The following NRXN1 variants were observed in gnomAD, a reference collection of about 807,000 sequenced individuals.
NRXN1 encodes the protein neurexin 1.
In NRXN1, 39 loss-of-function variants were observed where a neutral mutation model predicts 150.9. The observed-to-expected ratio is 0.26, with a 90% CI of 0.20 to 0.34. The LOEUF is 0.34. Among genes scored for constraint, NRXN1 ranks in the 10% least tolerant of loss-of-function variants. The pLI, the probability that NRXN1 is intolerant of heterozygous loss-of-function variation, is 1.00. For synonymous variants in NRXN1, 924 were observed against 757.0 expected, an observed-to-expected ratio of 1.22 and a Z score of -3.62; for missense variants, 1,815 against 1,949.9, an observed-to-expected ratio of 0.93 and a Z score of 1.30.
chr2:50,086,845 A>AGAGAGAGAGAGAGAGAGAGAGAGAGAAG (rs4032305), intron 19 of NRXN1, among the ~76,000 whole-genome samples: 2 of 150,934 alleles, frequency 1.3e-5, no homozygotes, highest in African/African-American at 4.9e-5. Flanking sequence ...AGAGAGAGAG[A>AGAGAGAGAGAGAGAGAGAGAGAGAGAAG]GAGAGCGAGC....
chr2:50,189,273 A>G (rs1191113203), intron 18 of NRXN1, among the ~76,000 whole-genome samples: 2 of 152,008 alleles, frequency 1.3e-5, no homozygotes, highest in Admixed American at 6.6e-5. Flanking sequence ...GGGACAGAAA[A>G]CCAAACACTC....
At position 50,472,338 on chromosome 2, in the gene NRXN1, A is replaced by G. The variant is rs377363689; in HGVS notation, c.3204T>C (p.Asp1068=). The G allele has an allele frequency of 6.2e-6, 10 of 1,611,312 alleles. No homozygotes were observed. Among genetic ancestry groups the G allele is most frequent in the Middle Eastern group, 1.6e-4 (1 of 6,068 alleles). ...CGATCTGTCCGTTGCAGAAAAGAGC[A>G]TCGGAGATGAGGTCCGGAAGCCGTC... ...LNGRLPDLIS[D]ALFCNGQIER... Residue 1068 remains aspartate, a synonymous_variant, in exon 16 of 23, where the codon GAT becomes GAC. Coordinates refer to ENST00000401669, the MANE Select transcript of NRXN1 (RefSeq NM_001330078.2).
At chr2:50,624,283 C>A (rs961195543) in intron 5 of NRXN1, among the ~76,000 whole-genome samples, 2 of 151,982 alleles carry the variant, frequency 1.3e-5, no homozygotes, top group African/African-American at 4.8e-5. Flanking sequence ...CTTGAAAATT[C>A]AATTAATTTT....
chr2:50,740,699 ATTAAAGTTGGT>A (rs1355497464), intron 5 of NRXN1, among the ~76,000 whole-genome samples: 2 of 152,172 alleles, frequency 1.3e-5, no homozygotes, highest in Non-Finnish European at 2.9e-5. Context: ...TACTGGCAGA[ATTAAAGTTGGT>A]TATAATCTCC....
At position 50,113,899 on chromosome 2, in the gene NRXN1, G is replaced by A. The variant is rs550272337; in HGVS notation, c.3547-22405C>T. ...ATTCAATGGTCAGTTAATTTTTATT[G>A]AGTATCTCTATGTACACAGGAGACT... On this transcript the variant is annotated intron_variant, in intron 18 of 22. Transcript: ENST00000401669. 2.6e-5 allele frequency among the ~76,000 whole-genome samples: 4 copies of A among 152,104 alleles called. 1 individual carries two copies. Among genetic ancestry groups the A allele is most frequent in the African/African-American group, 7.2e-5 (3 of 41,490 alleles).
intron 21 of NRXN1, among the ~76,000 whole-genome samples, chr2:49,950,426 T>C (rs1052590668): frequency 2.0e-5 from 3 of 151,888 alleles, no homozygotes; most frequent in African/African-American, 7.2e-5. Flanking sequence ...CTCCAGCACA[T>C]GAATAAGAAA....
intron 15 of NRXN1, among the ~76,000 whole-genome samples, chr2:50,489,154 A>T (rs555954522): frequency 2.6e-5 from 4 of 152,310 alleles, no homozygotes; most frequent in African/African-American, 9.6e-5. Context: ...AAGCTGAAGA[A>T]AGCTATTTCT....
intron 17 of NRXN1, among the ~76,000 whole-genome samples, chr2:50,311,023 T>A (rs888084136): frequency 6.6e-6 from 1 of 152,184 alleles, no homozygotes; most frequent in Non-Finnish European, 1.5e-5. Context: ...AAAGGCCGCA[T>A]GACTATTAAA....
intron 19 of NRXN1, among the ~76,000 whole-genome samples, chr2:50,064,245 T>A (rs1296963288): frequency 6.6e-6 from 1 of 151,790 alleles, no homozygotes; most frequent in Non-Finnish European, 1.5e-5. Context: ...ATTCATTATA[T>A]ATATAAAATG....
At chr2:50,868,331 G>A (rs143016904) in intron 5 of NRXN1, among the ~76,000 whole-genome samples, 2 of 135,886 alleles carry the variant, frequency 1.5e-5, no homozygotes, top group Admixed American at 8.6e-5. Context: ...ACCTATAAGC[G>A]AAAGGTAAAT....
chr2:50,997,198 T>C (rs1453110906), intron 2 of NRXN1, among the ~76,000 whole-genome samples: 1 of 151,826 alleles, frequency 6.6e-6, no homozygotes, highest in Non-Finnish European at 1.5e-5. Context: ...GTCTTGGCCT[T>C]CAGAAGTATT....
chr2:50,922,500 G>A (rs377405284), intron 4 of NRXN1, 158 bp downstream of exon 4: 21 of 778,312 alleles, frequency 2.7e-5, no homozygotes, highest in African/African-American at 1.0e-4. Context: ...CAAAGAAATG[G>A]AAGAAAAACA....
intron 18 of NRXN1, among the ~76,000 whole-genome samples, chr2:50,234,593 G>C (rs962834015): frequency 6.6e-6 from 1 of 152,078 alleles, no homozygotes; most frequent in Non-Finnish European, 1.5e-5. Flanking sequence ...TCTAGGCAAT[G>C]GGAGAAAGAA....
intron 5 of NRXN1, among the ~76,000 whole-genome samples, chr2:50,706,195 C>G (rs1694411582): frequency 6.6e-6 from 1 of 152,122 alleles, no homozygotes. Context: ...CTTTGTCAAT[C>G]CTTCAAAAGC....
At chr2:50,647,691 T>G (rs1395719219) in intron 5 of NRXN1, among the ~76,000 whole-genome samples, 5 of 151,944 alleles carry the variant, frequency 3.3e-5, no homozygotes, top group African/African-American at 1.2e-4. Context: ...GAACAAAAAT[T>G]TGTATACCAG....
chr2:49,983,426 G>A (rs1680330153), intron 21 of NRXN1, among the ~76,000 whole-genome samples: 1 of 152,012 alleles, frequency 6.6e-6, no homozygotes, highest in Admixed American at 6.6e-5. Flanking sequence ...TCTTTTATAG[G>A]TCATTTAGTA....
At chr2:50,799,740 G>C (rs1216474548) in intron 5 of NRXN1, among the ~76,000 whole-genome samples, 1 of 152,222 alleles carries the variant, frequency 6.6e-6, no homozygotes, top group Admixed American at 6.5e-5. Flanking sequence ...TCTAGGCCAA[G>C]CTATGATGTT....
rs552294269 is a variant in NRXN1, at chr2:50,589,806, C to A, written c.1320+30216G>T. 1.8e-4 allele frequency among the ~76,000 whole-genome samples: 28 copies of A among 152,086 alleles called. 1 individual carries two copies. The highest frequency in any genetic ancestry group is 1.8e-3 in the Admixed American group (27 of 15,250). On this transcript the variant is annotated intron_variant, in intron 8 of 22. Transcript: ENST00000401669. ...GGGAGCTGGGTAGAGACAAGATTGGCACTGGAACTGCAAATGCCTATGATT... is the reference window on the plus strand; with the variant it reads ...GGGAGCTGGGTAGAGACAAGATTGGAACTGGAACTGCAAATGCCTATGATT...
At chr2:49,943,876 ATTTG>A in intron 21 of NRXN1, 85 bp from the exon 22 acceptor site, 3 of 1,024,130 alleles carry the variant, frequency 2.9e-6, no homozygotes, top group Non-Finnish European at 4.5e-6. Flanking sequence ...GTGAAATACA[ATTTG>A]TTTATCAAGA....
Sources: allele counts gnomAD v4.1 joint callset (sites outside exome capture counted in the v4.1 genomes callset), GRCh38; gene constraint gnomAD v4.1.1; transcripts MANE v1.5; gene names NCBI Gene and HGNC (gene_info 2026-07-23, HGNC 2026-07-21).